Variants in DOCK7 observed in about 807,000 individuals in gnomAD.
DOCK7 encodes dedicator of cytokinesis 7.
DOCK7 carries 138 observed loss-of-function variants against 271.0 expected under a neutral mutation model. That is an observed-to-expected ratio of 0.51 (90% CI 0.44 to 0.59). The LOEUF (loss-of-function observed/expected upper bound fraction) is 0.59. Among genes scored for constraint, DOCK7 ranks in the 20% least tolerant of loss-of-function variants. The probability of loss-of-function intolerance (pLI) is 0.00; values close to 1 mark genes in which losing one functional copy is unlikely to be tolerated. For missense variants in DOCK7, 2,066 were observed against 2,592.4 expected, an observed-to-expected ratio of 0.80 and a Z score of 4.41; for synonymous variants, 823 against 876.1, an observed-to-expected ratio of 0.94 and a Z score of 1.07.
intron 48 of DOCK7, among the ~76,000 whole-genome samples, chr1:62,466,196 T>G (rs2149241945): frequency 6.6e-6 from 1 of 152,182 alleles, no homozygotes; most frequent in South Asian, 2.1e-4. Flanking sequence ...GGTTTTTTTT[T>G]GTTGTTGTTG....
rs193252363 is a variant in DOCK7 at position 62,574,745 on chromosome 1, T to C, written c.2112+2517A>G. The stretch of plus-strand genomic sequence containing the variant: ...AAATATTTTTTTTCTTTTTTTTATA[T>C]TGAGACAGAGTCTCACTCTGCCGCC... On this transcript the variant is annotated intron_variant, in intron 18 of 49. Transcript: ENST00000635253. Among the ~76,000 whole-genome samples, 65 of 152,262 alleles carry C rather than the reference T, an allele frequency of 4.3e-4. No individual in the cohort carries two copies. The Middle Eastern group carries it at 0.01, about 24-fold the overall frequency.
rs538612922 is a variant in DOCK7 at position 62,688,376 on chromosome 1, G to T, written c.-112C>A. On this transcript the variant is annotated 5_prime_UTR_variant, in exon 1 of 50. Coordinates refer to ENST00000635253, the MANE Select transcript of DOCK7 (RefSeq NM_001367561.1). ...TCCCTCGCGGCCTCCGCCAGTCCGGGCTCCGGACCTGGGAGGCTGGGGCTG... is the reference window on the plus strand; with the variant it reads ...TCCCTCGCGGCCTCCGCCAGTCCGGTCTCCGGACCTGGGAGGCTGGGGCTG... 1,159 of 645,882 alleles carry T rather than the reference G, an allele frequency of 1.8e-3. 7 individuals carry two copies. The African/African-American group carries it at 0.02, about 11-fold the overall frequency. The allele number at this position is 645,882 out of a possible 1,614,324, so 40.0% of individuals were successfully genotyped here. A position where few individuals can be genotyped will look rare whatever the true frequency, so the allele number is the denominator to read the frequency against.
chr1:62,511,803 T>C (rs964600700), intron 33 of DOCK7, among the ~76,000 whole-genome samples: 1 of 151,978 alleles, frequency 6.6e-6, no homozygotes, highest in Non-Finnish European at 1.5e-5. Context: ...GTTAGCAAAA[T>C]TAACTATAAT....
At chr1:62,544,187 C>T (rs371691967) in intron 23 of DOCK7, among the ~76,000 whole-genome samples, 2 of 152,166 alleles carry the variant, frequency 1.3e-5, no homozygotes, top group African/African-American at 4.8e-5. Flanking sequence ...TCAAAAACTA[C>T]TATTCAGGTT....
intron 31 of DOCK7, among the ~76,000 whole-genome samples, chr1:62,516,390 A>G (rs1644662709): frequency 6.6e-6 from 1 of 152,202 alleles, no homozygotes; most frequent in African/African-American, 2.4e-5. Flanking sequence ...GATTTGAGGG[A>G]CTATTTTCCC....
chr1:62,619,769 A>G (rs2149588318), intron 13 of DOCK7, 131 bp downstream of exon 13: 1 of 505,546 alleles, frequency 2.0e-6, no homozygotes, highest in South Asian at 3.5e-5. Flanking sequence ...AGTGAAGAAG[A>G]CTGACAGGCA....
At chr1:62,589,403 C>G (rs1648088355) in intron 14 of DOCK7, among the ~76,000 whole-genome samples, 1 of 152,024 alleles carries the variant, frequency 6.6e-6, no homozygotes. Context: ...ACAATGCAAG[C>G]TGGTTTTTGA....
Position 62,561,597 on chromosome 1 carries a change from TAAA to T in DOCK7, c.2199+17_2199+19del, listed in dbSNP as rs749803906. 5 of 1,454,696 alleles carry T rather than the reference TAAA, an allele frequency of 3.4e-6. No homozygotes were observed. The highest frequency in any genetic ancestry group is 4.6e-6 in the Non-Finnish European group (5 of 1,089,620). The allele number at this position is 1,454,696 out of a possible 1,614,324, so 90.1% of individuals were successfully genotyped here. A position where few individuals can be genotyped will look rare whatever the true frequency, so the allele number is the denominator to read the frequency against. On this transcript the variant is annotated intron_variant, in intron 19 of 49. Coordinates refer to ENST00000635253, the MANE Select transcript of DOCK7 (RefSeq NM_001367561.1). ...AATTTATTTAAGTGAAATTTGATAA[TAAA>T]AATTATTAAAACTCACTTGTGTATG... is the stretch of plus-strand genomic sequence containing the variant.
At chr1:62,598,800 A>G in intron 14 of DOCK7, 4 of 1,577,984 alleles carry the variant, frequency 2.5e-6, no homozygotes, top group Non-Finnish European at 3.5e-6. Flanking sequence ...AAGAAATAGA[A>G]AATCAGGTAA....
intron 7 of DOCK7, among the ~76,000 whole-genome samples, chr1:62,647,442 C>A (rs577671746): frequency 6.2e-4 from 95 of 152,214 alleles, no homozygotes; most frequent in African/African-American, 2.1e-3. Context: ...AAATGATATA[C>A]AGAATTTAAA....
intron 4 of DOCK7, among the ~76,000 whole-genome samples, chr1:62,651,475 A>C (rs114995041): frequency 6.7e-6 from 1 of 148,716 alleles, no homozygotes; most frequent in Non-Finnish European, 1.5e-5. Context: ...AAAAAAAAGA[A>C]AAGTTTATCG....
Position 62,634,862 on chromosome 1 carries a change from G to C in DOCK7, c.946C>G (p.His316Asp). 1 of 1,612,966 alleles carries C rather than the reference G, an allele frequency of 6.2e-7. No individual in the cohort carries two copies. The highest frequency in any genetic ancestry group is 1.1e-5 in the South Asian group (1 of 91,016). Reference protein sequence around the residue: ...SEQMKGLLRPHVPPAAITTLA... With the variant: ...SEQMKGLLRPDVPPAAITTLA... ...GTAGTAATGGCAGCAGGTGGTACAT[G>C]TGGACGTAACAACCCTTTCATCTGC... The change falls in exon 9 of 50, where the codon CAT becomes GAT. Residue 316 changes from histidine (H) to aspartate (D), a missense_variant. His to Asp is a moderately conservative substitution (Grantham distance 81, BLOSUM62 -1). Transcript: ENST00000635253.
At chr1:62,680,402 G>A (rs555199508) in intron 1 of DOCK7, among the ~76,000 whole-genome samples, 1 of 152,188 alleles carries the variant, frequency 6.6e-6, no homozygotes, top group East Asian at 1.9e-4. Context: ...ATGGATTAAA[G>A]ACTTACATGT....
chr1:62,478,059 T>C (rs1331881965), intron 43 of DOCK7: 1 of 421,216 alleles, frequency 2.4e-6, no homozygotes, highest in Non-Finnish European at 4.1e-6. Context: ...AAATCACATA[T>C]AATATTTTTC....
In DOCK7 at chr1:62,644,270, G is replaced by A. The variant is rs564832384; in HGVS notation, c.818+3421C>T. On this transcript the variant is annotated intron_variant, in intron 7 of 49. Transcript: ENST00000635253. ...AATTTTTTGAGCCACACATATAGTA[G>A]GTAAGCTTATGACCTGGAATTCTCA... is the stretch of plus-strand genomic sequence containing the variant. Among the ~76,000 whole-genome samples the A allele has an allele frequency of 9.3e-4, 142 of 152,320 alleles. 1 individual carries two copies. Among genetic ancestry groups the A allele is most frequent in the Admixed American group, 6.1e-3 (94 of 15,300 alleles).
chr1:62,584,647 T>C (rs1254916499), intron 15 of DOCK7: 15 of 1,328,226 alleles, frequency 1.1e-5, no homozygotes, highest in Non-Finnish European at 1.4e-5. Flanking sequence ...TTTAATCATT[T>C]AGCAATATGG....
chr1:62,556,261 C>T (rs1444166529), intron 20 of DOCK7, among the ~76,000 whole-genome samples: 7 of 151,520 alleles, frequency 4.6e-5, no homozygotes, highest in East Asian at 1.9e-4. Flanking sequence ...CAATGCTCAA[C>T]GGATATGTTA....
intron 48 of DOCK7, among the ~76,000 whole-genome samples, chr1:62,466,345 T>C (rs1318470119): frequency 6.6e-6 from 1 of 152,212 alleles, no homozygotes; most frequent in Non-Finnish European, 1.5e-5. Context: ...AACTCTACTG[T>C]TTTGTACAAA....
Position 62,663,142 on chromosome 1 carries a change from A to G in DOCK7, c.39-12T>C. On this transcript the variant is annotated splice_polypyrimidine_tract_variant and intron_variant, in intron 1 of 49. Coordinates refer to ENST00000635253, the MANE Select transcript of DOCK7 (RefSeq NM_001367561.1). ...CGGCTGCCACCGTTCTACAATGAAG[A>G]AAGCAAAAACATACGCATTATTGAA... 6.3e-7 allele frequency: 1 copy of G among 1,599,602 alleles called. No individual in the cohort carries two copies. The highest frequency in any genetic ancestry group is 8.5e-7 in the Non-Finnish European group (1 of 1,171,986).
Sources: gnomAD v4.1 joint callset for allele counts (sites outside exome capture counted in the v4.1 genomes callset) on GRCh38, gnomAD v4.1.1 for gene constraint, MANE v1.5 for transcripts, NCBI Gene and HGNC (gene_info 2026-07-23, HGNC 2026-07-21) for gene names.